Variants in PCYT1B observed in about 807,000 individuals in gnomAD.
PCYT1B encodes choline-phosphate cytidylyltransferase B.
A neutral mutation model predicts 26.4 loss-of-function variants in PCYT1B; 10 were observed. That is an observed-to-expected ratio of 0.38 (90% CI 0.23 to 0.64). The LOEUF is 0.64. Ranked by LOEUF, PCYT1B falls within the 30% of genes least tolerant of loss-of-function variation. The probability of loss-of-function intolerance (pLI) is 0.56; values close to 1 mark genes in which losing one functional copy is unlikely to be tolerated. For missense variants in PCYT1B, 161 were observed against 292.7 expected, an observed-to-expected ratio of 0.55 and a Z score of 3.28; for synonymous variants, 131 against 108.4, an observed-to-expected ratio of 1.21 and a Z score of -1.29.
intron 7 of PCYT1B, among the ~76,000 whole-genome samples, chrX:24,573,060 A>C (rs1290052337): frequency 9.2e-6 from 1 of 108,254 alleles, no homozygotes; most frequent in Non-Finnish European, 1.9e-5. Context: ...ACATATATTC[A>C]CACACAGAAA....
chrX:24,590,026 G>A lies in PCYT1B; in HGVS notation c.483C>T (p.His161=). 8.3e-7 allele frequency: 1 copy of A among 1,201,288 alleles called. No homozygotes were observed. The highest frequency in any genetic ancestry group is 1.8e-5 in the South Asian group (1 of 55,342). Reference sequence around the variant, plus strand: ...AATGTGGGAGAATGAGAAGTACCTTGTGTTTTTCCAGAAACTCTGGCGTGA... The same window carrying A: ...AATGTGGGAGAATGAGAAGTACCTTATGTTTTTCCAGAAACTCTGGCGTGA... ...WTLTPEFLEK[H]KIDFVAHDDI... The change falls in exon 4 of 8, where the codon CAC becomes CAT. Residue 161 remains histidine, a synonymous_variant. Coordinates refer to ENST00000379144, the MANE Select transcript of PCYT1B (RefSeq NM_004845.5).
intron 1 of PCYT1B, among the ~76,000 whole-genome samples, chrX:24,670,109 AAAGAAAGGAAGG>A (rs1353390815): frequency 4.2e-3 from 106 of 25,192 alleles, no homozygotes; most frequent in African/African-American, 0.013. Context: ...AGAAAGAAAG[AAAGAAAGGAAGG>A]AAGGAAGGAA....
intron 2 of PCYT1B, among the ~76,000 whole-genome samples, chrX:24,617,782 T>C (rs1925562699): frequency 9.0e-6 from 1 of 111,480 alleles, no homozygotes; most frequent in Non-Finnish European, 1.9e-5. Flanking sequence ...AAAGTTTACC[T>C]GTTCAACTAG....
intron 2 of PCYT1B, among the ~76,000 whole-genome samples, chrX:24,616,013 T>C (rs1569248353): frequency 9.0e-6 from 1 of 111,116 alleles, no homozygotes; most frequent in African/African-American, 3.3e-5. Context: ...GTTCTGCAAG[T>C]CTCCTTTGTC....
At chrX:24,585,638 C>T (rs1924346943) in intron 5 of PCYT1B, among the ~76,000 whole-genome samples, 1 of 111,105 alleles carries the variant, frequency 9.0e-6, no homozygotes, top group African/African-American at 3.3e-5. Context: ...GTCTTGAGAC[C>T]TCACAACTAA....
chrX:24,573,087 TACACACATATACAC>T (rs1411736314), intron 7 of PCYT1B, among the ~76,000 whole-genome samples: 1 of 102,992 alleles, frequency 9.7e-6, no homozygotes, highest in Non-Finnish European at 2.0e-5. Flanking sequence ...CACATAGATA[TACACACATATACAC>T]ACACATATAT....
chrX:24,602,532 AATG>A (rs1293068547), intron 3 of PCYT1B, among the ~76,000 whole-genome samples: 1 of 111,304 alleles, frequency 9.0e-6, no homozygotes, highest in Non-Finnish European at 1.9e-5. Context: ...TTGAGGTGAT[AATG>A]ATGTGTCAAT....
chrX:24,596,765 G>A (rs1196937576), intron 3 of PCYT1B, among the ~76,000 whole-genome samples: 2 of 110,815 alleles, frequency 1.8e-5, no homozygotes, highest in Non-Finnish European at 3.8e-5. Context: ...CCAAATACTT[G>A]TCCCCATACT....
chrX:24,667,312 T>G (rs1927147380), intron 1 of PCYT1B, among the ~76,000 whole-genome samples: 1 of 110,888 alleles, frequency 9.0e-6, no homozygotes, highest in Non-Finnish European at 1.9e-5. Context: ...AAAACTGTGT[T>G]GGGTTAGCTT....
chrX:24,657,724 T>A (rs1480430174), intron 1 of PCYT1B, among the ~76,000 whole-genome samples: 3 of 112,090 alleles, frequency 2.7e-5, no homozygotes, highest in African/African-American at 9.7e-5. Context: ...GTGGATGTAC[T>A]GCTGTCTCCC....
intron 1 of PCYT1B, among the ~76,000 whole-genome samples, chrX:24,622,911 A>G (rs1203187068): frequency 1.8e-5 from 2 of 112,288 alleles, no homozygotes; most frequent in Non-Finnish European, 3.8e-5. Flanking sequence ...AAATAAAAGC[A>G]TGTAACCATA....
At chrX:24,670,049 AAAGAAAGAAAGAAAG>A (rs1927208391) in intron 1 of PCYT1B, among the ~76,000 whole-genome samples, 1 of 36,889 alleles carries the variant, frequency 2.7e-5, no homozygotes, top group African/African-American at 9.5e-5. Flanking sequence ...TCTCAAAAAA[AAAGAAAGAAAGAAAG>A]AAAGAAAGAA....
intron 1 of PCYT1B, among the ~76,000 whole-genome samples, chrX:24,638,534 G>A (rs1247279972): frequency 1.8e-5 from 2 of 112,021 alleles, no homozygotes; most frequent in African/African-American, 6.5e-5. Flanking sequence ...GAGATTATTG[G>A]AAGAAAATAG....
At chrX:24,586,602 A>AG (rs1924378318) in intron 5 of PCYT1B, among the ~76,000 whole-genome samples, 1 of 112,265 alleles carries the variant, frequency 8.9e-6, no homozygotes, top group South Asian at 3.7e-4. Context: ...AACTCACTAT[A>AG]GTATCTGCAC....
chrX:24,628,205 A>G (rs1452648332), intron 1 of PCYT1B, among the ~76,000 whole-genome samples: 1 of 111,681 alleles, frequency 9.0e-6, no homozygotes, highest in Non-Finnish European at 1.9e-5. Flanking sequence ...AGAGAGGTCC[A>G]GGTCATCAGA....
upstream of PCYT1B, chrX:24,647,361 CG>C (rs1926665403): frequency 1.2e-6 from 1 of 801,313 alleles, no homozygotes; most frequent in Non-Finnish European, 1.6e-6. Flanking sequence ...GCGGCTGGTG[CG>C]GGATACAGTA....
chrX:24,638,872 T>G (rs1167880756), intron 1 of PCYT1B, among the ~76,000 whole-genome samples: 3 of 112,379 alleles, frequency 2.7e-5, no homozygotes, highest in Middle Eastern at 4.2e-3. Context: ...ATTAGGAGGC[T>G]ACTGTTCACA....
At chrX:24,569,965 C>T (rs1466121770) in intron 7 of PCYT1B, among the ~76,000 whole-genome samples, 6 of 110,954 alleles carry the variant, frequency 5.4e-5, no homozygotes, top group African/African-American at 2.0e-4. Context: ...AGGCAGATCA[C>T]CTGAGGTCAG....
intron 1 of PCYT1B, among the ~76,000 whole-genome samples, chrX:24,623,663 G>A (rs1363922400): frequency 1.8e-5 from 2 of 111,205 alleles, no homozygotes; most frequent in Non-Finnish European, 3.8e-5. Flanking sequence ...TCATACCAAA[G>A]CCACATTTCA....
Sources: allele counts gnomAD v4.1 joint callset (sites outside exome capture counted in the v4.1 genomes callset), GRCh38; gene constraint gnomAD v4.1.1; transcripts MANE v1.5; gene names NCBI Gene and HGNC (gene_info 2026-07-23, HGNC 2026-07-21).